Variants in PTPRN2 observed in about 807,000 individuals in gnomAD.
PTPRN2 encodes receptor-type tyrosine-protein phosphatase N2.
Under a neutral mutation model 118.8 loss-of-function variants are expected in PTPRN2, and 74 were observed. The observed-to-expected ratio is 0.62, with a 90% CI of 0.52 to 0.76. The LOEUF (loss-of-function observed/expected upper bound fraction) is 0.76, where lower values mean the gene tolerates loss of function less well. PTPRN2 is among the 30% of genes least tolerant of loss of function. The probability of loss-of-function intolerance (pLI) is 0.00; values close to 1 mark genes in which losing one functional copy is unlikely to be tolerated. For synonymous variants in PTPRN2, 641 were observed against 608.0 expected (o/e 1.05, Z -0.80); for missense variants, 1,481 against 1,394.4 (o/e 1.06, Z -0.99).
At chr7:158,104,019 G>C (rs1457879241) in intron 10 of PTPRN2, among the ~76,000 whole-genome samples, 1 of 152,054 alleles carries the variant, frequency 6.6e-6, no homozygotes, top group Non-Finnish European at 1.5e-5. Context: ...CTGCCACCAT[G>C]CCCGACTAAT....
intron 2 of PTPRN2, among the ~76,000 whole-genome samples, chr7:158,328,324 G>C (rs1004572769): frequency 2.0e-5 from 3 of 152,236 alleles, no homozygotes; most frequent in African/African-American, 7.2e-5. Flanking sequence ...CTGCGTCCAA[G>C]GCAGGACTGC....
intron 12 of PTPRN2, among the ~76,000 whole-genome samples, chr7:157,694,393 G>A (rs549755307): frequency 6.6e-6 from 1 of 152,288 alleles, no homozygotes; most frequent in Admixed American, 6.5e-5. Flanking sequence ...ATGTCTGAGA[G>A]CCTCCAACTC....
At chr7:158,074,863 C>T (rs1303356942) in intron 11 of PTPRN2, among the ~76,000 whole-genome samples, 1 of 152,184 alleles carries the variant, frequency 6.6e-6, no homozygotes, top group Non-Finnish European at 1.5e-5. Context: ...AGTGGTATGT[C>T]CAGTGCATAA....
At chr7:158,558,757 T>TAAAAAA (rs769102456) in intron 1 of PTPRN2, among the ~76,000 whole-genome samples, 3 of 59,804 alleles carry the variant, frequency 5.0e-5, no homozygotes, top group Non-Finnish European at 1.0e-4. Context: ...AGTGCTAGAC[T>TAAAAAA]AAAAAAAAAA....
At chr7:158,054,781 T>C (rs1809653030) in intron 11 of PTPRN2, among the ~76,000 whole-genome samples, 1 of 152,246 alleles carries the variant, frequency 6.6e-6, no homozygotes, top group Non-Finnish European at 1.5e-5. Flanking sequence ...CTTCCATGAT[T>C]GCAGCTGATG....
chr7:157,668,322 C>T (rs573066005), intron 13 of PTPRN2, among the ~76,000 whole-genome samples: 117 of 152,292 alleles, frequency 7.7e-4, no homozygotes, highest in Admixed American at 2.3e-3. Context: ...AGAGAAGAGA[C>T]CTGTCATTCT....
chr7:157,791,263 C>T (rs1804472310), intron 12 of PTPRN2, among the ~76,000 whole-genome samples: 1 of 152,192 alleles, frequency 6.6e-6, no homozygotes. Context: ...TCCACAGTTT[C>T]GTATTTGTTA....
At chr7:158,274,356 A>ACAGGGGGAGCCGCAGACACAGGGGGAGC (rs1798800238) in intron 3 of PTPRN2, among the ~76,000 whole-genome samples, 3 of 58,854 alleles carry the variant, frequency 5.1e-5, no homozygotes, top group African/African-American at 1.6e-4. Context: ...AGCCACAGAC[A>ACAGGGGGAGCCGCAGACACAGGGGGAGC]CAGGGGGAGC....
chr7:158,212,043 T>A lies in PTPRN2; in HGVS notation c.278-6770A>T, dbSNP rs1037763308. Among the ~76,000 whole-genome samples the A allele has an allele frequency of 2.0e-5, 3 of 152,148 alleles. No individual in the cohort carries two copies. The South Asian group carries it at 6.2e-4, about 32-fold the overall frequency. Reference sequence around the variant, plus strand: ...GGAGTACTATTCAGCCATAAAAAGGTGAGATTCTTTCATTTGCAACAACAT... The same window carrying A: ...GGAGTACTATTCAGCCATAAAAAGGAGAGATTCTTTCATTTGCAACAACAT... On this transcript the variant is annotated intron_variant, in intron 3 of 22. Coordinates refer to ENST00000389418, the MANE Select transcript of PTPRN2 (RefSeq NM_002847.5).
At chr7:157,799,763 G>T (rs1276466350) in intron 12 of PTPRN2, among the ~76,000 whole-genome samples, 1 of 148,334 alleles carries the variant, frequency 6.7e-6, no homozygotes, top group Non-Finnish European at 1.5e-5. Context: ...CTCCCGAGCC[G>T]GCCCCCTCCA....
chr7:157,745,644 G>A (rs1329144838), intron 12 of PTPRN2, among the ~76,000 whole-genome samples: 3 of 152,144 alleles, frequency 2.0e-5, no homozygotes, highest in African/African-American at 7.2e-5. Flanking sequence ...AGCATCTGCA[G>A]GGCAGGCTGG....
At chr7:157,688,853 C>G (rs915502228) in intron 12 of PTPRN2, among the ~76,000 whole-genome samples, 9 of 152,246 alleles carry the variant, frequency 5.9e-5, no homozygotes, top group Admixed American at 3.3e-4. Flanking sequence ...GTCCCTCCCC[C>G]CTCGCCGGTT....
chr7:157,571,656 ATTC>A (rs1038887038), intron 19 of PTPRN2, among the ~76,000 whole-genome samples, 163 bp from the exon 20 acceptor site: 1 of 152,206 alleles, frequency 6.6e-6, no homozygotes, highest in African/African-American at 2.4e-5. Flanking sequence ...TCAAACATTT[ATTC>A]TTCTTCTCAA....
intron 16 of PTPRN2, among the ~76,000 whole-genome samples, chr7:157,601,718 C>T (rs989231103): frequency 2.6e-5 from 4 of 152,248 alleles, no homozygotes; most frequent in African/African-American, 7.2e-5. Flanking sequence ...CCTGGAATAG[C>T]GCAGACATCT....
Position 157,674,096 on chromosome 7 carries a change from C to T in PTPRN2, c.2001+8629G>A, listed in dbSNP as rs1250941230. Among the ~76,000 whole-genome samples the T allele has an allele frequency of 2.0e-5, 3 of 152,168 alleles. No homozygotes were observed. The highest frequency in any genetic ancestry group is 4.4e-5 in the Non-Finnish European group (3 of 68,016). On this transcript the variant is annotated intron_variant, in intron 13 of 22. Transcript: ENST00000389418. This position sits in a 1 kb window ranked among gnomAD's most constrained non-coding sequence, Gnocchi z 4.5. ...GTGTCCAATCCTTAGGGGTGACCCT[C>T]GGGCCAACACCAATCACAGCTCTGG... is the stretch of plus-strand genomic sequence containing the variant.
At chr7:158,330,389 C>A (rs1325148732) in intron 2 of PTPRN2, among the ~76,000 whole-genome samples, 9 of 36,238 alleles carry the variant, frequency 2.5e-4, no homozygotes, top group Non-Finnish European at 1.8e-4. Flanking sequence ...ACACTCTCAC[C>A]ATAAGAGCTG....
chr7:158,072,595 C>A (rs775596906), intron 11 of PTPRN2, among the ~76,000 whole-genome samples: 1 of 152,216 alleles, frequency 6.6e-6, no homozygotes, highest in South Asian at 2.1e-4. Context: ...AGGCAGCTCT[C>A]GGACTTCACT....
intron 12 of PTPRN2, among the ~76,000 whole-genome samples, chr7:157,755,987 A>G (rs1801756975): frequency 6.6e-6 from 1 of 152,206 alleles, no homozygotes; most frequent in African/African-American, 2.4e-5. Flanking sequence ...CGGGGCTGGC[A>G]TTGTGTAGGT....
chr7:158,364,900 C>A (rs2151300817), intron 2 of PTPRN2, among the ~76,000 whole-genome samples: 1 of 152,280 alleles, frequency 6.6e-6, no homozygotes, highest in East Asian at 1.9e-4. Flanking sequence ...ATGGTCACAC[C>A]TGAGCAGGCA....
Sources: allele counts gnomAD v4.1 joint callset (sites outside exome capture counted in the v4.1 genomes callset), GRCh38; gene constraint gnomAD v4.1.1; non-coding constraint Gnocchi (gnomAD v3.1); transcripts MANE v1.5; gene names NCBI Gene and HGNC (gene_info 2026-07-23, HGNC 2026-07-21).